The following VDAC2 variants were observed in gnomAD, a reference collection of about 807,000 sequenced individuals.
VDAC2 encodes the protein voltage dependent anion channel 2.
A neutral mutation model predicts 36.6 loss-of-function variants in VDAC2; 6 were observed. The ratio of observed to expected loss-of-function variants is 0.16; its 90% CI spans 0.09 to 0.32. The LOEUF (loss-of-function observed/expected upper bound fraction) is 0.32. Ranked by LOEUF, VDAC2 falls within the 10% of genes least tolerant of loss-of-function variation. The pLI, the probability that VDAC2 is intolerant of heterozygous loss-of-function variation, is 1.00. For synonymous variants in VDAC2, 109 were observed against 123.8 expected, an observed-to-expected ratio of 0.88 and a Z score of 0.79; for missense variants, 247 against 346.0, an observed-to-expected ratio of 0.71 and a Z score of 2.27.
chr10:75,227,577 A>ATTTT (rs35378957), intron 8 of VDAC2, among the ~76,000 whole-genome samples: 14,016 of 99,234 alleles, frequency 0.14, 1,027 homozygotes, highest in East Asian at 0.45. Flanking sequence ...AATAATAGGA[A>ATTTT]TTTTTTTTTT....
intron 2 of VDAC2, 57 bp downstream of exon 2, chr10:75,211,246 C>T (rs1250379125): frequency 3.1e-6 from 5 of 1,592,622 alleles, no homozygotes; most frequent in African/African-American, 1.3e-5. Context: ...AGCCTGTCGA[C>T]CAGAAACCCA....
At chr10:75,224,907 A>G (rs970611523) in intron 8 of VDAC2, among the ~76,000 whole-genome samples, 5 of 152,236 alleles carry the variant, frequency 3.3e-5, no homozygotes, top group African/African-American at 1.2e-4. Flanking sequence ...ATTAATCAAG[A>G]TAAAGGCTGA....
intron 4 of VDAC2, 146 bp from the exon 5 acceptor site, chr10:75,218,917 G>A: frequency 1.3e-6 from 1 of 785,798 alleles, no homozygotes; most frequent in Non-Finnish European, 1.9e-6. Context: ...GCACAGTGCA[G>A]AAGGATACGA....
intron 4 of VDAC2, among the ~76,000 whole-genome samples, chr10:75,215,793 C>T (rs1282361117): frequency 1.3e-5 from 2 of 151,902 alleles, no homozygotes; most frequent in East Asian, 3.9e-4. Context: ...ATGATCTCAG[C>T]TCACTGCATC....
chr10:75,221,014 G>A (rs1313468577), intron 7 of VDAC2, 44 bp downstream of exon 7: 2 of 1,562,260 alleles, frequency 1.3e-6, no homozygotes, highest in Admixed American at 1.8e-5. Context: ...GGCCCTCAGA[G>A]GATGATTTTG....
At chr10:75,211,415 C>CAA in intron 2 of VDAC2, 1 of 1,454,420 alleles carries the variant, frequency 6.9e-7, no homozygotes, top group Non-Finnish European at 9.1e-7. Flanking sequence ...ATGGACTTTT[C>CAA]AGCCTTTGTA....
At chr10:75,211,451 A>T in intron 2 of VDAC2, 1 of 1,493,204 alleles carries the variant, frequency 6.7e-7, no homozygotes, top group Non-Finnish European at 8.9e-7. Context: ...TAGAAGTAAA[A>T]AGTTGTTAAT....
intron 8 of VDAC2, among the ~76,000 whole-genome samples, chr10:75,223,043 C>T (rs556770748): frequency 1.4e-4 from 21 of 148,824 alleles, no homozygotes; most frequent in Non-Finnish European, 2.2e-4. Context: ...TGCAGTAGTG[C>T]GATCTTGGCT....
chr10:75,211,490 C>T, intron 2 of VDAC2: 1 of 1,530,402 alleles, frequency 6.5e-7, no homozygotes, highest in South Asian at 1.2e-5. Context: ...AGGATCGGAT[C>T]AATCACTTTT....
At chr10:75,230,820 C>G in intron 9 of VDAC2, 78 bp from the exon 10 acceptor site, 2 of 1,258,446 alleles carry the variant, frequency 1.6e-6, no homozygotes, top group Non-Finnish European at 2.2e-6. Flanking sequence ...CTGGGGATGA[C>G]TGTGAAAGAA....
At chr10:75,211,526 T>A in intron 2 of VDAC2, 1 of 1,547,532 alleles carries the variant, frequency 6.5e-7, no homozygotes, top group Non-Finnish European at 8.7e-7. Flanking sequence ...GTCCCTCTTG[T>A]GAGAGCGCAA....
At chr10:75,227,625 T>C (rs1841994980) in intron 8 of VDAC2, among the ~76,000 whole-genome samples, 1 of 144,136 alleles carries the variant, frequency 6.9e-6, no homozygotes, top group African/African-American at 2.6e-5. Flanking sequence ...TTTGTTACCC[T>C]GGCTGGAGTG....
chr10:75,227,727 C>T lies in VDAC2; in HGVS notation c.736-1917C>T, dbSNP rs575744259. Among the ~76,000 whole-genome samples the T allele has an allele frequency of 1.7e-4, 26 of 150,368 alleles. 1 individual carries two copies. In the South Asian group the frequency reaches 5.1e-3, roughly 29 times the overall value. ...TTAGCACCCCGAGTAGCTGGGATTA[C>T]AGGCGCCTGCCACCGTGCCTGGCTA... is the stretch of plus-strand genomic sequence containing the variant. On this transcript the variant is annotated intron_variant, in intron 8 of 9. Coordinates refer to ENST00000332211, the MANE Select transcript of VDAC2 (RefSeq NM_001391963.1).
chr10:75,211,226 G>C (rs748010390), intron 2 of VDAC2, 37 bp downstream of exon 2: 2 of 1,608,632 alleles, frequency 1.2e-6, no homozygotes, highest in South Asian at 2.2e-5. Context: ...ATGGGGCGGC[G>C]GAGAGTCGAA....
intron 3 of VDAC2, among the ~76,000 whole-genome samples, chr10:75,213,744 AAAAT>A (rs375298465): frequency 1.5e-4 from 22 of 151,662 alleles, no homozygotes; most frequent in South Asian, 4.1e-4. Flanking sequence ...ACTCCGTCTC[AAAAT>A]AAATAAATAA....
intron 4 of VDAC2, 81 bp from the exon 5 acceptor site, chr10:75,218,982 T>C: frequency 7.3e-7 from 1 of 1,373,060 alleles, no homozygotes; most frequent in East Asian, 2.4e-5. Context: ...TTCAGGGGGT[T>C]TGTGTGTGTG....
At chr10:75,217,578 A>G (rs753969383) in intron 4 of VDAC2, among the ~76,000 whole-genome samples, 5 of 152,042 alleles carry the variant, frequency 3.3e-5, no homozygotes, top group Non-Finnish European at 5.9e-5. Flanking sequence ...GGGTTTCACC[A>G]TGTTGGCTAG....
intron 4 of VDAC2, among the ~76,000 whole-genome samples, chr10:75,214,421 A>G (rs1195885924): frequency 6.6e-6 from 1 of 152,206 alleles, no homozygotes; most frequent in African/African-American, 2.4e-5. Context: ...AATATCAGGA[A>G]CTCATTAATT....
chr10:75,212,467 A>G (rs928813287), intron 3 of VDAC2, among the ~76,000 whole-genome samples, 169 bp downstream of exon 3: 4 of 152,224 alleles, frequency 2.6e-5, no homozygotes, highest in East Asian at 3.9e-4. Context: ...GGCTGGATGC[A>G]GTGGCATGAT....
Sources: gnomAD v4.1 joint callset for allele counts (sites outside exome capture counted in the v4.1 genomes callset) on GRCh38, gnomAD v4.1.1 for gene constraint, MANE v1.5 for transcripts, NCBI Gene and HGNC (gene_info 2026-07-23, HGNC 2026-07-21) for gene names.